C9orf153: variants seen among roughly 807,000 people sequenced by gnomAD.
The protein encoded by C9orf153 is chromosome 9 open reading frame 153.
Under a neutral mutation model 9.0 loss-of-function variants are expected in C9orf153, and 10 were observed. That is an observed-to-expected ratio of 1.11 (90% CI 0.69 to 1.89). The LOEUF is 1.89. Among genes scored for constraint, C9orf153 ranks in the 40% most tolerant of loss-of-function variants. The pLI, the probability that C9orf153 is intolerant of heterozygous loss-of-function variation, is 0.00. For synonymous variants in C9orf153, 35 were observed against 37.3 expected, an observed-to-expected ratio of 0.94 and a Z score of 0.23; for missense variants, 108 against 111.0, an observed-to-expected ratio of 0.97 and a Z score of 0.12.
chr9:86,243,469 C>T (rs1564002151), intron 1 of C9orf153, among the ~76,000 whole-genome samples: 1 of 134,700 alleles, frequency 7.4e-6, no homozygotes, highest in Non-Finnish European at 1.6e-5. Context: ...TTCTTTTCTT[C>T]TTTTTTTTTT....
rs189625124 is a variant in C9orf153, at chr9:86,258,009, T to C, written c.-27+1541A>G. Among the ~76,000 whole-genome samples the C allele has an allele frequency of 2.7e-3, 414 of 152,298 alleles. 2 individuals are homozygous for C. The highest frequency in any genetic ancestry group is 9.3e-3 in the African/African-American group (388 of 41,568). On this transcript the variant is annotated intron_variant, in intron 1 of 3. Transcript: ENST00000339137. Reference sequence around the variant, plus strand: ...AGATTGCTTTCTTGTGTGGGTTTTATAGCTGTGCACATTCAACTATTAAGG... The same window carrying C: ...AGATTGCTTTCTTGTGTGGGTTTTACAGCTGTGCACATTCAACTATTAAGG...
chr9:86,257,384 C>G (rs772800613), intron 1 of C9orf153, among the ~76,000 whole-genome samples: 11 of 152,188 alleles, frequency 7.2e-5, no homozygotes, highest in Non-Finnish European at 1.6e-4. Context: ...CCCTGCAGAA[C>G]AGCAGGCCTT....
At chr9:86,230,174 T>C (rs1241522784) in intron 1 of C9orf153, among the ~76,000 whole-genome samples, 1 of 152,242 alleles carries the variant, frequency 6.6e-6, no homozygotes, top group African/African-American at 2.4e-5. Context: ...TTTCGTAGTT[T>C]AGGTCTGCCA....
chr9:86,222,135 G>A (rs1362910380), intron 3 of C9orf153, among the ~76,000 whole-genome samples: 9 of 151,932 alleles, frequency 5.9e-5, no homozygotes, highest in African/African-American at 1.7e-4. Flanking sequence ...TGATCCACCC[G>A]CCTCAGACTC....
intron 1 of C9orf153, among the ~76,000 whole-genome samples, chr9:86,237,103 A>T (rs184945526): frequency 1.2e-3 from 184 of 152,242 alleles, no homozygotes; most frequent in Non-Finnish European, 1.5e-3. Context: ...GGTGTAGTGT[A>T]ATTTGAAAGT....
At chr9:86,226,273 C>T (rs1824329458) in intron 3 of C9orf153, among the ~76,000 whole-genome samples, 1 of 152,152 alleles carries the variant, frequency 6.6e-6, no homozygotes, top group African/African-American at 2.4e-5. Context: ...AATATACTCA[C>T]AGTAATCAAT....
chr9:86,233,503 G>A (rs1416689133), intron 1 of C9orf153, among the ~76,000 whole-genome samples: 1 of 151,850 alleles, frequency 6.6e-6, no homozygotes, highest in African/African-American at 2.4e-5. Flanking sequence ...TGCAACCTCC[G>A]TCTCCCGGGT....
intron 1 of C9orf153, among the ~76,000 whole-genome samples, chr9:86,231,617 A>T (rs1407632208): frequency 6.6e-6 from 1 of 151,882 alleles, no homozygotes. Flanking sequence ...ATATATATAC[A>T]TGTATGTATA....
intron 1 of C9orf153, among the ~76,000 whole-genome samples, chr9:86,236,905 A>G (rs1372902994): frequency 6.6e-6 from 1 of 151,242 alleles, no homozygotes; most frequent in Non-Finnish European, 1.5e-5. Flanking sequence ...GTTTGAGGCC[A>G]GCCTGGGCAA....
rs60165641 is a variant in C9orf153 at position 86,235,741 on chromosome 9, C to CAAAAAAA, written c.-26-6119_-26-6113dup. 7.7e-4 allele frequency among the ~76,000 whole-genome samples: 17 copies of CAAAAAAA among 22,054 alleles called. 1 individual carries two copies. The highest frequency in any genetic ancestry group is 1.7e-3 in the East Asian group (1 of 602). 14.5% of individuals were successfully genotyped at this position (22,054 alleles called of 152,430 possible). A position where few individuals can be genotyped will look rare whatever the true frequency, so the allele number is the denominator to read the frequency against. On this transcript the variant is annotated intron_variant, in intron 1 of 3. Coordinates refer to ENST00000339137, the MANE Select transcript of C9orf153 (RefSeq NM_001276366.4). ...TGGGTGACAGAGCAAGACTCCATCT[C>CAAAAAAA]AAAAAAAAAAAAAAAAAAAAAAAAA...
At chr9:86,249,204 T>A (rs1190523857) in intron 1 of C9orf153, among the ~76,000 whole-genome samples, 1 of 152,236 alleles carries the variant, frequency 6.6e-6, no homozygotes, top group Non-Finnish European at 1.5e-5. Context: ...GTTTTCACAG[T>A]GTCTTCTAAA....
At chr9:86,223,275 C>A (rs536563396) in intron 3 of C9orf153, among the ~76,000 whole-genome samples, 5 of 152,224 alleles carry the variant, frequency 3.3e-5, no homozygotes, top group Non-Finnish European at 7.4e-5. Context: ...AATGACCAGC[C>A]TGGCCAACAG....
chr9:86,233,818 C>T (rs911556890), intron 1 of C9orf153, among the ~76,000 whole-genome samples: 12 of 152,186 alleles, frequency 7.9e-5, no homozygotes, highest in Non-Finnish European at 1.5e-4. Flanking sequence ...GGCGCGGTGA[C>T]TGGCGCCTGT....
intron 1 of C9orf153, among the ~76,000 whole-genome samples, chr9:86,257,716 C>T (rs1383072080): frequency 1.3e-5 from 2 of 152,164 alleles, no homozygotes; most frequent in Non-Finnish European, 2.9e-5. Flanking sequence ...ACAGGGAATG[C>T]AATTTACTAC....
intron 3 of C9orf153, 127 bp from the exon 4 acceptor site, chr9:86,221,860 T>C (rs1472738575): frequency 5.7e-6 from 3 of 529,290 alleles, no homozygotes; most frequent in Non-Finnish European, 9.9e-6. Flanking sequence ...CAGAAAGCCA[T>C]TTCTAAAGCT....
At chr9:86,222,030 C>T (rs905904370) in intron 3 of C9orf153, among the ~76,000 whole-genome samples, 1 of 152,012 alleles carries the variant, frequency 6.6e-6, no homozygotes, top group African/African-American at 2.4e-5. Context: ...GGATGACAGG[C>T]ACCCGCCACC....
rs568142594 is a variant in C9orf153, at chr9:86,231,756, T to C, written c.-26-2127A>G. Among the ~76,000 whole-genome samples, 19 of 152,240 alleles carry C rather than the reference T, an allele frequency of 1.2e-4. 1 individual carries two copies. Among genetic ancestry groups the C allele is most frequent in the Admixed American group, 1.0e-3 (16 of 15,284 alleles). On this transcript the variant is annotated intron_variant, in intron 1 of 3. Transcript: ENST00000339137. ...GCAGCATGCCTGCCACAGACCTGTT[T>C]ATCTCTAGGCAATTACAATGAGACT...
chr9:86,227,317 T>G (rs1465330563), intron 3 of C9orf153: 1 of 1,354,006 alleles, frequency 7.4e-7, no homozygotes, highest in Non-Finnish European at 9.4e-7. Flanking sequence ...CAGCTAATTT[T>G]TATTTATTTA....
At chr9:86,252,766 G>A (rs1481844316) in intron 1 of C9orf153, among the ~76,000 whole-genome samples, 2 of 152,190 alleles carry the variant, frequency 1.3e-5, no homozygotes, top group African/African-American at 4.8e-5. Context: ...GTACTCTTGA[G>A]CACAGGTTCC....
Sources: gnomAD v4.1 joint callset for allele counts (sites outside exome capture counted in the v4.1 genomes callset) on GRCh38, gnomAD v4.1.1 for gene constraint, MANE v1.5 for transcripts, NCBI Gene and HGNC (gene_info 2026-07-23, HGNC 2026-07-21) for gene names.